Variants in ABCC1 observed in about 807,000 individuals in gnomAD.
The protein encoded by ABCC1 is multidrug resistance-associated protein 1.
A neutral mutation model predicts 172.9 loss-of-function variants in ABCC1; 83 were observed. The observed-to-expected ratio is 0.48, with a 90% CI of 0.40 to 0.58. ABCC1 has a LOEUF of 0.58. Among genes scored for constraint, ABCC1 ranks in the 20% least tolerant of loss-of-function variants. The pLI, the probability that ABCC1 is intolerant of heterozygous loss-of-function variation, is 0.00. For missense variants in ABCC1, 1,817 were observed against 2,002.7 expected (o/e 0.91, Z 1.77); for synonymous variants, 937 against 825.2 (o/e 1.14, Z -2.32).
chr16:16,052,769 A>G lies in ABCC1; in HGVS notation c.1426A>G (p.Met476Val), dbSNP rs1276682146. ...VLAGVAVMVL[M>V]VPVNAVMAMK... ...GGCTGGAGTGGCGGTGATGGTCCTC[A>G]TGGTGCCCGTCAATGCTGTGATGGC... is the stretch of plus-strand genomic sequence containing the variant. Residue 476 changes from methionine to valine, a missense_variant, in exon 11 of 31, where the codon ATG (methionine) becomes GTG (valine). Met to Val is a conservative substitution (Grantham distance 21). This residue lies in a region of ABCC1 where 1,412 missense variants were observed against 1,600.3 expected (regional missense o/e 0.88). Coordinates refer to ENST00000399410, the MANE Select transcript of ABCC1 (RefSeq NM_004996.4). 9 of 1,613,804 alleles carry G rather than the reference A, an allele frequency of 5.6e-6. No homozygotes were observed. Among genetic ancestry groups the G allele is most frequent in the African/African-American group, 1.3e-5 (1 of 74,828 alleles).
intron 14 of ABCC1, among the ~76,000 whole-genome samples, chr16:16,072,608 A>T (rs1251024524): frequency 6.6e-6 from 1 of 151,494 alleles, no homozygotes; most frequent in East Asian, 1.9e-4. Flanking sequence ...AAGTGCTGGG[A>T]TGACAGATGT....
intron 7 of ABCC1, among the ~76,000 whole-genome samples, chr16:16,036,977 G>T (rs1038718377): frequency 6.6e-6 from 1 of 151,990 alleles, no homozygotes; most frequent in Admixed American, 6.6e-5. Context: ...GGTGGCAGGC[G>T]CCTGTAATCA....
intron 1 of ABCC1, among the ~76,000 whole-genome samples, chr16:15,964,656 T>G (rs1044132750): frequency 1.3e-4 from 20 of 152,008 alleles, no homozygotes; most frequent in Admixed American, 1.1e-3. Context: ...TTGTAATCAT[T>G]ACTCTGCCAG....
intron 25 of ABCC1, 53 bp from the exon 26 acceptor site, chr16:16,125,757 A>G: frequency 7.7e-7 from 1 of 1,302,608 alleles, no homozygotes. Context: ...GAAAAAGGAA[A>G]GTCAAGTACG....
intron 24 of ABCC1, among the ~76,000 whole-genome samples, chr16:16,122,734 A>G (rs34600200): frequency 1.4e-5 from 2 of 143,140 alleles, no homozygotes; most frequent in African/African-American, 5.0e-5. Flanking sequence ...AAAAAAAAAA[A>G]GTAGCCCATC....
chr16:16,103,970 C>G (rs558519302), intron 20 of ABCC1, among the ~76,000 whole-genome samples: 24 of 152,184 alleles, frequency 1.6e-4, no homozygotes, highest in Admixed American at 4.6e-4. Context: ...CTGGTGGGTT[C>G]GTGGTCTCGC....
At chr16:16,043,222 GTTTTTTTT>G (rs147161637) in intron 7 of ABCC1, among the ~76,000 whole-genome samples, 16,927 of 89,520 alleles carry the variant, frequency 0.19, 1,365 homozygotes, top group Admixed American at 0.23. Flanking sequence ...TGGCTGGACT[GTTTTTTTT>G]TTTTTTTTTT....
intron 19 of ABCC1, among the ~76,000 whole-genome samples, chr16:16,101,033 T>TTTTTTA (rs1221801033): frequency 2.0e-5 from 3 of 151,920 alleles, no homozygotes; most frequent in Admixed American, 6.6e-5. Context: ...TTTATTTTTA[T>TTTTTTA]TTTTTATTTT....
At position 16,131,899 on chromosome 16, in the gene ABCC1, C is replaced by T. The variant is rs767559768; in HGVS notation, c.3930C>T (p.Leu1310=). Residue 1310 remains leucine (L), a synonymous_variant, in exon 27 of 31, where the codon CTC becomes CTT. Coordinates refer to ENST00000399410, the MANE Select transcript of ABCC1 (RefSeq NM_004996.4). ...LRYREDLDFV[L]RHINVTINGG... ...ACCGAGAGGACCTGGACTTCGTTCT[C>T]AGGCACATCAATGTCACGATCAATG... 1.2e-6 allele frequency: 2 copies of T among 1,614,134 alleles called. No homozygotes were observed. The highest frequency in any genetic ancestry group is 1.7e-5 in the Admixed American group (1 of 60,020).
chr16:16,088,193 C>T (rs1246685614), intron 18 of ABCC1, among the ~76,000 whole-genome samples: 1 of 151,308 alleles, frequency 6.6e-6, no homozygotes, highest in African/African-American at 2.4e-5. Flanking sequence ...GTGAGTAATC[C>T]CAACACTTTT....
intron 3 of ABCC1, among the ~76,000 whole-genome samples, chr16:16,012,349 C>T (rs1238925911): frequency 6.6e-6 from 1 of 152,144 alleles, no homozygotes; most frequent in Non-Finnish European, 1.5e-5. Flanking sequence ...CCTTTGTGTC[C>T]TCAGAGCCTG....
At chr16:16,021,278 C>T (rs187255098) in intron 5 of ABCC1, among the ~76,000 whole-genome samples, 41 of 151,692 alleles carry the variant, frequency 2.7e-4, no homozygotes, top group African/African-American at 8.0e-4. Flanking sequence ...GATGTATGCA[C>T]AGATGTTCTG....
intron 1 of ABCC1, among the ~76,000 whole-genome samples, chr16:15,955,939 T>A (rs2045987481): frequency 6.6e-6 from 1 of 152,176 alleles, no homozygotes; most frequent in Non-Finnish European, 1.5e-5. Flanking sequence ...TTAGGAGTGC[T>A]GATGCCCCAT....
chr16:16,106,660 T>C, intron 20 of ABCC1, 78 bp from the exon 21 acceptor site: 3 of 1,582,486 alleles, frequency 1.9e-6, no homozygotes, highest in South Asian at 1.1e-5. Context: ...AGACCCACAA[T>C]AGCAGTCCCA....
At chr16:16,138,690 C>A in intron 30 of ABCC1, 132 bp downstream of exon 30, 10 of 476,054 alleles carry the variant, frequency 2.1e-5, no homozygotes, top group East Asian at 7.4e-5. Context: ...ATCCTCTCTT[C>A]ATCCTGGATG....
intron 26 of ABCC1, 84 bp from the exon 27 acceptor site, chr16:16,131,705 T>G: frequency 6.6e-7 from 1 of 1,505,220 alleles, no homozygotes. Context: ...GGCAGCAGAG[T>G]GAGTGAGAGG....
At chr16:16,015,782 T>C (rs1305319601) in intron 4 of ABCC1, among the ~76,000 whole-genome samples, 1 of 152,110 alleles carries the variant, frequency 6.6e-6, no homozygotes, top group Non-Finnish European at 1.5e-5. Context: ...CCTGACTGGG[T>C]GCCATAACAC....
chr16:15,968,445 T>C (rs2046295670), intron 1 of ABCC1, among the ~76,000 whole-genome samples: 1 of 152,126 alleles, frequency 6.6e-6, no homozygotes, highest in Non-Finnish European at 1.5e-5. Flanking sequence ...TCTTGCTCTA[T>C]TACCCAGGCT....
At chr16:16,018,097 A>G (rs1444401815) in intron 5 of ABCC1, among the ~76,000 whole-genome samples, 1 of 152,134 alleles carries the variant, frequency 6.6e-6, no homozygotes, top group Non-Finnish European at 1.5e-5. Context: ...TCAGCTGGTA[A>G]TGGGCGGATT....
Sources: gnomAD v4.1 joint callset for allele counts (sites outside exome capture counted in the v4.1 genomes callset) on GRCh38, gnomAD v4.1.1 for gene constraint, gnomAD v4.1.1 regional missense constraint, MANE v1.5 for transcripts, NCBI Gene and HGNC (gene_info 2026-07-23, HGNC 2026-07-21) for gene names.